SVEP1: variants seen among roughly 807,000 people sequenced by gnomAD.
SVEP1 encodes the protein sushi, von Willebrand factor type A, EGF and pentraxin domain-containing protein 1.
A neutral mutation model predicts 367.3 loss-of-function variants in SVEP1; 164 were observed. That is an observed-to-expected ratio of 0.45 (90% confidence interval 0.39 to 0.51). The LOEUF is 0.51. Among genes scored for constraint, SVEP1 ranks in the 20% least tolerant of loss-of-function variants. SVEP1 has a pLI of 0.00. For missense variants in SVEP1, 4,117 were observed against 4,425.3 expected (o/e 0.93, Z 1.98); for synonymous variants, 1,666 against 1,611.6 (o/e 1.03, Z -0.81).
intron 13 of SVEP1, among the ~76,000 whole-genome samples, chr9:110,478,526 C>A (rs12376107): frequency 1.3e-5 from 2 of 152,104 alleles, no homozygotes; most frequent in East Asian, 3.9e-4. Context: ...AAATATTTAA[C>A]ATTTTAAAGA....
intron 8 of SVEP1, among the ~76,000 whole-genome samples, chr9:110,495,941 A>ATT (rs1829438957): frequency 6.6e-6 from 1 of 152,202 alleles, no homozygotes. Flanking sequence ...ATAAATAGCA[A>ATT]TTAGGATTGA....
rs371623352 is a variant in SVEP1, at chr9:110,408,765, T to C, written c.6835A>G (p.Asn2279Asp). Residue 2279 changes from asparagine (N) to aspartate (D), a missense_variant, in exon 38 of 48, where the codon AAC becomes GAC. Around this residue, in one of 4 missense-constraint regions of SVEP1, gnomAD observed 1,765 missense variants for 1,781.1 expected, o/e 0.99. Transcript: ENST00000374469. ...TGAACCTTGGACCCTACTTCAAAGT[T>C]TTCTCCTTTCATGAAGCCATTCTGG... ...PIQNGFMKGE[N>D]FEVGSKVQFF... 7 of 1,613,642 alleles carry C rather than the reference T, an allele frequency of 4.3e-6. No individual in the cohort carries two copies. In the Admixed American group the frequency reaches 5.0e-5, roughly 12 times the overall value.
intron 1 of SVEP1, among the ~76,000 whole-genome samples, chr9:110,577,931 G>T (rs1305661573): frequency 1.3e-5 from 2 of 152,104 alleles, no homozygotes; most frequent in African/African-American, 4.8e-5. Flanking sequence ...AATTGACAAA[G>T]ATATTAAAAA....
chr9:110,557,204 T>G (rs1830366368), intron 1 of SVEP1, among the ~76,000 whole-genome samples: 1 of 152,244 alleles, frequency 6.6e-6, no homozygotes, highest in African/African-American at 2.4e-5. Flanking sequence ...TTTTCATTTT[T>G]ATCTCATCCT....
At chr9:110,455,469 T>C (rs1400535589) in intron 22 of SVEP1, 121 bp downstream of exon 22, 1 of 703,250 alleles carries the variant, frequency 1.4e-6, no homozygotes, top group Admixed American at 3.4e-5. Flanking sequence ...AAAATATGCT[T>C]CTTCAATATG....
chr9:110,448,129 A>ATGTGTGTGTGTGTGTGTGTGTGCG (rs143871165), intron 24 of SVEP1, among the ~76,000 whole-genome samples: 1 of 142,864 alleles, frequency 7.0e-6, no homozygotes, highest in Non-Finnish European at 1.5e-5. Context: ...AAGAAAGTGA[A>ATGTGTGTGTGTGTGTGTGTGTGCG]TGTGTGTGTG....
At chr9:110,541,388 C>T (rs1254278320) in intron 3 of SVEP1, among the ~76,000 whole-genome samples, 1 of 152,084 alleles carries the variant, frequency 6.6e-6, no homozygotes, top group Admixed American at 6.6e-5. Context: ...TCACTGGATA[C>T]TCATCAGATT....
chr9:110,501,509 G>C (rs576812590), intron 6 of SVEP1, among the ~76,000 whole-genome samples: 25 of 151,010 alleles, frequency 1.7e-4, no homozygotes, highest in South Asian at 1.0e-3. Flanking sequence ...TTTTGTTGTG[G>C]GGGGGGCAGG....
chr9:110,544,814 A>C (rs1370141479), intron 3 of SVEP1, among the ~76,000 whole-genome samples: 1 of 118,942 alleles, frequency 8.4e-6, no homozygotes, highest in Non-Finnish European at 2.0e-5. Context: ...ATGTACAATA[A>C]ATTATTTGTT....
chr9:110,394,073 T>A (rs1439955711), intron 40 of SVEP1, among the ~76,000 whole-genome samples: 5 of 152,222 alleles, frequency 3.3e-5, no homozygotes, highest in Admixed American at 1.3e-4. Flanking sequence ...AGTGGGTCCC[T>A]GACCCCCGAG....
intron 13 of SVEP1, among the ~76,000 whole-genome samples, chr9:110,477,412 A>T (rs1433300786): frequency 6.6e-6 from 1 of 151,994 alleles, no homozygotes; most frequent in African/African-American, 2.4e-5. Context: ...GCTTCCCCAC[A>T]CCTGTACTAC....
rs59063882 is a variant in SVEP1, at chr9:110,475,539, CTT to C, written c.2599+663_2599+664del. 1.7e-3 allele frequency among the ~76,000 whole-genome samples: 252 copies of C among 144,346 alleles called. 3 individuals carry two copies. The highest frequency in any genetic ancestry group is 0.014 in the East Asian group (67 of 4,910). 94.7% of individuals were successfully genotyped at this position (144,346 alleles called of 152,430 possible). ...ATAACAATATCATTATTATTATTAT[CTT>C]TTTTTTTTTTTTGATACAAAGTCTC... On this transcript the variant is annotated intron_variant, in intron 14 of 47. Transcript: ENST00000374469.
chr9:110,488,352 C>T (rs1829317412), intron 9 of SVEP1, among the ~76,000 whole-genome samples: 1 of 151,936 alleles, frequency 6.6e-6, no homozygotes, highest in South Asian at 2.1e-4. Flanking sequence ...TGTTGGTTAA[C>T]AAAATCACTC....
intron 18 of SVEP1, among the ~76,000 whole-genome samples, chr9:110,463,555 TC>T (rs1828891040): frequency 1.3e-5 from 1 of 76,502 alleles, no homozygotes; most frequent in African/African-American, 5.1e-5. Context: ...AAATAGTAAA[TC>T]AATACCAAAA....
At chr9:110,525,684 A>T (rs2118801630) in intron 3 of SVEP1, among the ~76,000 whole-genome samples, 1 of 152,352 alleles carries the variant, frequency 6.6e-6, no homozygotes, top group African/African-American at 2.4e-5. Context: ...CAGCTATAAT[A>T]ATCAAGACTA....
chr9:110,455,692 C>T lies in SVEP1; in HGVS notation c.3685G>A (p.Glu1229Lys), dbSNP rs773434837. The part of the protein sequence containing the change: ...CPLGYTGLKC[E>K]TDIDECSPLP... Reference sequence around the variant, plus strand: ...GGGCTGCACTCATCGATGTCTGTTTCACACTTTAAGCCTACAATGTAAACC... The same window carrying T: ...GGGCTGCACTCATCGATGTCTGTTTTACACTTTAAGCCTACAATGTAAACC... Residue 1229 changes from glutamate to lysine, a missense_variant, in exon 22 of 48, where the codon GAA (glutamate) becomes AAA (lysine). Coordinates refer to ENST00000374469, the MANE Select transcript of SVEP1 (RefSeq NM_153366.4). The T allele has an allele frequency of 1.9e-6, 3 of 1,611,214 alleles. No homozygotes were observed. Among genetic ancestry groups the T allele is most frequent in the Admixed American group, 1.7e-5 (1 of 59,696 alleles).
intron 12 of SVEP1, 40 bp downstream of exon 12, chr9:110,481,202 C>A: frequency 7.3e-7 from 1 of 1,363,438 alleles, no homozygotes. Context: ...TACACACATT[C>A]ACACACATTA....
intron 3 of SVEP1, among the ~76,000 whole-genome samples, chr9:110,524,886 A>G (rs972920864): frequency 6.6e-6 from 1 of 151,704 alleles, no homozygotes; most frequent in African/African-American, 2.4e-5. Flanking sequence ...TAATTTTTGT[A>G]CTTTTTGTAG....
At chr9:110,543,433 C>G (rs1292220580) in intron 3 of SVEP1, among the ~76,000 whole-genome samples, 1 of 152,124 alleles carries the variant, frequency 6.6e-6, no homozygotes, top group Non-Finnish European at 1.5e-5. Context: ...TGCTCCAGTC[C>G]CCTCTACCGA....
Sources: allele counts gnomAD v4.1 joint callset (sites outside exome capture counted in the v4.1 genomes callset), GRCh38; gene constraint gnomAD v4.1.1; regional missense constraint gnomAD v4.1.1; transcripts MANE v1.5; gene names NCBI Gene and HGNC (gene_info 2026-07-23, HGNC 2026-07-21).